Variants in TPD52 observed in about 807,000 individuals in gnomAD.
The protein encoded by TPD52 is tumor protein D52.
TPD52 carries 17 observed loss-of-function variants against 31.3 expected under a neutral mutation model. That is an observed-to-expected ratio of 0.54 (90% CI 0.37 to 0.82). TPD52 has a LOEUF of 0.82. TPD52 is among the 40% of genes least tolerant of loss of function. The probability of loss-of-function intolerance (pLI) is 0.00; values close to 1 mark genes in which losing one functional copy is unlikely to be tolerated. For synonymous variants in TPD52, 83 were observed against 89.6 expected (o/e 0.93, Z 0.42); for missense variants, 212 against 240.1 (o/e 0.88, Z 0.77).
At chr8:80,119,885 C>G in intron 1 of TPD52, 1 of 388,308 alleles carries the variant, frequency 2.6e-6, no homozygotes, top group Non-Finnish European at 5.0e-6. Flanking sequence ...AAATAAAAAG[C>G]TATAGCAGAA....
intron 1 of TPD52, among the ~76,000 whole-genome samples, chr8:80,151,535 T>A (rs758828510): frequency 4.6e-5 from 7 of 152,142 alleles, no homozygotes; most frequent in African/African-American, 1.4e-4. Flanking sequence ...TGCCACATAA[T>A]CATATTGAAA....
intron 1 of TPD52, among the ~76,000 whole-genome samples, chr8:80,084,725 GCTTT>G (rs1430219280): frequency 6.6e-6 from 1 of 152,180 alleles, no homozygotes; most frequent in African/African-American, 2.4e-5. Context: ...ACTCAACCAT[GCTTT>G]AGCCAAACTT....
At position 80,166,089 on chromosome 8, in the gene TPD52, G is replaced by A. The variant is rs1489206066; in HGVS notation, c.19+5336C>T. On this transcript the variant is annotated intron_variant, in intron 1 of 7. Coordinates refer to ENST00000518937, the MANE Select transcript of TPD52 (RefSeq NM_001025253.3). ...TCTCAGCACTTTGGGAGGCTGAGGC[G>A]GGAGGATCACTTGAGGCCAGGAGTT... Among the ~76,000 whole-genome samples the A allele has an allele frequency of 3.9e-5, 6 of 152,116 alleles. No individual in the cohort carries two copies. The East Asian group carries it at 5.8e-4, about 15-fold the overall frequency.
chr8:80,055,588 C>T (rs1408036633), intron 2 of TPD52, among the ~76,000 whole-genome samples: 7 of 152,152 alleles, frequency 4.6e-5, no homozygotes, highest in Non-Finnish European at 8.8e-5. Context: ...AAATCATCAA[C>T]AGAGTGAAGA....
chr8:80,128,072 A>G (rs1808756925), intron 1 of TPD52, among the ~76,000 whole-genome samples: 1 of 152,076 alleles, frequency 6.6e-6, no homozygotes, highest in Non-Finnish European at 1.5e-5. Flanking sequence ...GCTATCTTAA[A>G]TTGCCAGCTG....
At chr8:80,146,906 C>A (rs1432411504) in intron 1 of TPD52, among the ~76,000 whole-genome samples, 2 of 152,134 alleles carry the variant, frequency 1.3e-5, no homozygotes, top group African/African-American at 4.8e-5. Flanking sequence ...TATAGCATTC[C>A]CAAATGTGGT....
chr8:80,165,289 G>A (rs1048705309), intron 1 of TPD52, among the ~76,000 whole-genome samples: 1 of 152,178 alleles, frequency 6.6e-6, no homozygotes, highest in African/African-American at 2.4e-5. Flanking sequence ...CACTTCTATG[G>A]AGCAGAATTT....
chr8:80,040,580 A>T (rs898500366), intron 7 of TPD52, among the ~76,000 whole-genome samples: 2 of 152,196 alleles, frequency 1.3e-5, no homozygotes, highest in African/African-American at 4.8e-5. Context: ...TATAGAATCT[A>T]AATATATTCA....
intron 1 of TPD52, among the ~76,000 whole-genome samples, chr8:80,114,308 C>G (rs1450573648): frequency 6.6e-6 from 1 of 152,104 alleles, no homozygotes; most frequent in Non-Finnish European, 1.5e-5. Context: ...TTCCCCACTA[C>G]CCTACTTTTT....
At chr8:80,063,207 T>C (rs1812732763) in intron 2 of TPD52, among the ~76,000 whole-genome samples, 1 of 152,222 alleles carries the variant, frequency 6.6e-6, no homozygotes. Context: ...TAATGGAATA[T>C]TATTCAGTCA....
rs532590748 is a variant in TPD52 at position 80,039,525 on chromosome 8, C to T, written c.505-1290G>A. 8.5e-5 allele frequency among the ~76,000 whole-genome samples: 13 copies of T among 152,186 alleles called. No homozygotes were observed. In the South Asian group the frequency reaches 1.2e-3, roughly 15 times the overall value. ...TCATCTTTGGCTTGGAGTACAACTCCGTCCTTCCATCTAATCTGCCTGTCT... is the reference window on the plus strand; with the variant it reads ...TCATCTTTGGCTTGGAGTACAACTCTGTCCTTCCATCTAATCTGCCTGTCT... On this transcript the variant is annotated intron_variant, in intron 7 of 7. Coordinates refer to ENST00000518937, the MANE Select transcript of TPD52 (RefSeq NM_001025253.3).
At chr8:80,141,932 T>TAAAAATA (rs1563656900) in intron 1 of TPD52, among the ~76,000 whole-genome samples, 1 of 151,230 alleles carries the variant, frequency 6.6e-6, no homozygotes, top group Non-Finnish European at 1.5e-5. Context: ...AAAATAAAAA[T>TAAAAATA]AAAAAAATAT....
chr8:80,065,267 A>ATC lies in TPD52; in HGVS notation c.20-675_20-674insGA, dbSNP rs547077548. Among the ~76,000 whole-genome samples, 46 of 143,282 alleles carry ATC rather than the reference A, an allele frequency of 3.2e-4. No homozygotes were observed. In the South Asian group the frequency reaches 1.0e-2, roughly 31 times the overall value. The allele number at this position is 143,282 out of a possible 152,430, so 94.0% of individuals were successfully genotyped here. A position where few individuals can be genotyped will look rare whatever the true frequency, so the allele number is the denominator to read the frequency against. Reference sequence around the variant, plus strand: ...ATGATATAGATGATTATATCTATCTATATATATCTATATCTATATATCTAT... The same window carrying ATC: ...ATGATATAGATGATTATATCTATCTATCTATATATCTATATCTATATATCTAT... On this transcript the variant is annotated intron_variant, in intron 1 of 7. Coordinates refer to ENST00000518937, the MANE Select transcript of TPD52 (RefSeq NM_001025253.3).
chr8:80,135,329 C>T (rs909768776), intron 1 of TPD52, among the ~76,000 whole-genome samples: 2 of 152,052 alleles, frequency 1.3e-5, no homozygotes, highest in Non-Finnish European at 1.5e-5. Flanking sequence ...TTTCACCTCC[C>T]ACTTCCCAAG....
In TPD52 at chr8:80,036,263, G is replaced by A. The variant is rs1279684411; in HGVS notation, c.*1853C>T. The A allele has an allele frequency of 6.6e-6, 1 of 152,460 alleles. No homozygotes were observed. Among genetic ancestry groups the A allele is most frequent in the Non-Finnish European group, 1.5e-5 (1 of 68,014 alleles). The allele number at this position is 152,460 out of a possible 1,614,324, so 9.4% of individuals were successfully genotyped here. On this transcript the variant is annotated 3_prime_UTR_variant, in exon 8 of 8. Coordinates refer to ENST00000518937, the MANE Select transcript of TPD52 (RefSeq NM_001025253.3). ...GCCTTGTTGAAAAGTTAGTAGCAGG[G>A]CAGGATGCTCAAGAAACAATGTGAT...
chr8:80,138,512 C>T (rs1809599004), intron 1 of TPD52, among the ~76,000 whole-genome samples: 1 of 152,146 alleles, frequency 6.6e-6, no homozygotes, highest in African/African-American at 2.4e-5. Context: ...TATCTGAGTA[C>T]AGGACTATAT....
downstream of TPD52, among the ~76,000 whole-genome samples, chr8:80,034,273 G>A (rs543297809): frequency 6.6e-6 from 1 of 152,226 alleles, no homozygotes; most frequent in Non-Finnish European, 1.5e-5. Flanking sequence ...GCCCCCGAGA[G>A]CACACAGATG....
intron 1 of TPD52, among the ~76,000 whole-genome samples, chr8:80,079,165 G>T (rs762089646): frequency 1.3e-5 from 2 of 152,138 alleles, no homozygotes; most frequent in African/African-American, 2.4e-5. Flanking sequence ...AAGGGGGCTG[G>T]GCAAAGGGGG....
At chr8:80,112,747 A>C (rs78931618) in intron 1 of TPD52, among the ~76,000 whole-genome samples, 1 of 48,264 alleles carries the variant, frequency 2.1e-5, no homozygotes, top group South Asian at 5.6e-4. Flanking sequence ...TTCATCAGCA[A>C]CCCCCCAACC....
Sources: gnomAD v4.1 joint callset for allele counts (sites outside exome capture counted in the v4.1 genomes callset) on GRCh38, gnomAD v4.1.1 for gene constraint, MANE v1.5 for transcripts, NCBI Gene and HGNC (gene_info 2026-07-23, HGNC 2026-07-21) for gene names.